The following FDFT1 variants were observed in gnomAD, a reference collection of about 807,000 sequenced individuals.
FDFT1 encodes the protein squalene synthase.
In FDFT1, 68 loss-of-function variants were observed where a neutral mutation model predicts 46.8. That is an observed-to-expected ratio of 1.45 (90% confidence interval 1.19 to 1.78). FDFT1 has a LOEUF of 1.78. FDFT1 is among the 40% of genes most tolerant of loss of function. The probability of loss-of-function intolerance (pLI) is 0.00; values close to 1 mark genes in which losing one functional copy is unlikely to be tolerated. For synonymous variants in FDFT1, 351 were observed against 185.1 expected, an observed-to-expected ratio of 1.90 and a Z score of -7.28; for missense variants, 928 against 524.4, an observed-to-expected ratio of 1.77 and a Z score of -7.52.
intron 5 of FDFT1, 36 bp from the exon 6 acceptor site, chr8:11,830,208 A>C: frequency 6.5e-7 from 1 of 1,539,056 alleles, no homozygotes; most frequent in Non-Finnish European, 9.0e-7. Context: ...CCCTATGCAC[A>C]CGCTGACCTG....
chr8:11,838,176 G>T (rs1462743636), intron 7 of FDFT1, among the ~76,000 whole-genome samples: 1 of 152,190 alleles, frequency 6.6e-6, no homozygotes, highest in Non-Finnish European at 1.5e-5. Flanking sequence ...CCTCCTGTTT[G>T]CTCAGGAAGA....
At chr8:11,836,846 A>G (rs1323869257) in intron 7 of FDFT1, among the ~76,000 whole-genome samples, 1 of 152,202 alleles carries the variant, frequency 6.6e-6, no homozygotes, top group African/African-American at 2.4e-5. Context: ...GACCAGCCTG[A>G]CCAACACTGG....
rs967538361 is a variant in FDFT1, at chr8:11,803,364, C to A, written c.99+433C>A. The A allele has an allele frequency of 3.1e-6, 4 of 1,290,256 alleles. No homozygotes were observed. In the East Asian group the frequency reaches 1.7e-4, roughly 54 times the overall value. 79.9% of individuals were successfully genotyped at this position (1,290,256 alleles called of 1,614,324 possible). A position where few individuals can be genotyped will look rare whatever the true frequency, so the allele number is the denominator to read the frequency against. On this transcript the variant is annotated intron_variant, in intron 1 of 7. Coordinates refer to ENST00000220584, the MANE Select transcript of FDFT1 (RefSeq NM_004462.5). ...CCGTTTCTGGAATGAAGTCTGACTC[C>A]TCCAGTTTCACCACCTCTTCCGGAG...
chr8:11,832,249 A>T (rs116434676), intron 7 of FDFT1, among the ~76,000 whole-genome samples: 1 of 151,948 alleles, frequency 6.6e-6, no homozygotes, highest in East Asian at 1.9e-4. Context: ...CTAATATTTG[A>T]CTAGGTTCAA....
chr8:11,830,091 C>G (rs546915719), intron 5 of FDFT1, among the ~76,000 whole-genome samples, 153 bp from the exon 6 acceptor site: 1 of 152,176 alleles, frequency 6.6e-6, no homozygotes, highest in Non-Finnish European at 1.5e-5. Flanking sequence ...CGTGATCCAC[C>G]CTCCTCGGCC....
chr8:11,814,289 T>G (rs1425157108), intron 3 of FDFT1, among the ~76,000 whole-genome samples: 1 of 150,446 alleles, frequency 6.6e-6, no homozygotes, highest in African/African-American at 2.5e-5. Flanking sequence ...AGTACCAGAT[T>G]GATTTTATAG....
exon 1 of FDFT1, chr8:11,795,767 C>G (rs557089249): frequency 6.6e-6 from 1 of 152,274 alleles, no homozygotes; most frequent in African/African-American, 2.4e-5. Context: ...ACTCCAGACG[C>G]GCCGACTTAA....
chr8:11,800,368 C>A (rs118059476), upstream of FDFT1, among the ~76,000 whole-genome samples: 4,268 of 150,348 alleles, frequency 0.028, 240 homozygotes, highest in East Asian at 0.27. Context: ...GCAGTTTTGC[C>A]ATGGGAGTAT....
chr8:11,828,992 T>G (rs920822017), intron 5 of FDFT1, among the ~76,000 whole-genome samples: 9 of 152,064 alleles, frequency 5.9e-5, no homozygotes, highest in Admixed American at 6.6e-5. Flanking sequence ...TGTGTAGATG[T>G]GTGTTTTCCT....
chr8:11,800,720 T>C (rs1563286582), upstream of FDFT1, among the ~76,000 whole-genome samples: 1 of 152,280 alleles, frequency 6.6e-6, no homozygotes, highest in African/African-American at 2.4e-5. Context: ...AGCTAGCAGA[T>C]ATTTAAGAAT....
At chr8:11,808,547 C>T (rs965313670) in intron 1 of FDFT1, 16 of 1,365,532 alleles carry the variant, frequency 1.2e-5, no homozygotes, top group African/African-American at 9.2e-5. Context: ...GCACCAAGGC[C>T]ATGGCCCTCT....
intron 3 of FDFT1, among the ~76,000 whole-genome samples, chr8:11,818,551 T>C (rs865795756): frequency 6.6e-6 from 1 of 152,066 alleles, no homozygotes; most frequent in Non-Finnish European, 1.5e-5. Context: ...GCTCCTGTAT[T>C]GGGTACATAT....
chr8:11,808,550 G>C lies in FDFT1; in HGVS notation c.100-244G>C. On this transcript the variant is annotated intron_variant, in intron 1 of 7. Transcript: ENST00000220584. ...CAGCCGCCTGCGGCACCAAGGCCAT[G>C]GCCCTCTTCAAGCGCACCTTGGTGC... The C allele has an allele frequency of 4.4e-6, 6 of 1,365,126 alleles. No homozygotes were observed. The South Asian group carries it at 7.0e-5, about 16-fold the overall frequency. The allele number at this position is 1,365,126 out of a possible 1,614,324, so 84.6% of individuals were successfully genotyped here.
At chr8:11,806,575 A>AG (rs892692342) in intron 1 of FDFT1, among the ~76,000 whole-genome samples, 1 of 152,086 alleles carries the variant, frequency 6.6e-6, no homozygotes, top group East Asian at 1.9e-4. Flanking sequence ...GTTTAAATCT[A>AG]GGGGGACCGT....
At chr8:11,821,175 G>C (rs1809186111) in intron 3 of FDFT1, among the ~76,000 whole-genome samples, 1 of 152,222 alleles carries the variant, frequency 6.6e-6, no homozygotes, top group Admixed American at 6.5e-5. Flanking sequence ...GCTTTATGTT[G>C]AAGCATCTCA....
intron 7 of FDFT1, chr8:11,831,878 A>G: frequency 3.9e-6 from 2 of 507,540 alleles, no homozygotes; most frequent in East Asian, 3.3e-5. Context: ...CCCTGGTGAG[A>G]GGAGATAAAT....
At chr8:11,799,959 ATG>A (rs1481555462), upstream of FDFT1, among the ~76,000 whole-genome samples, 6 of 143,444 alleles carry the variant, frequency 4.2e-5, no homozygotes, top group African/African-American at 1.1e-4. Flanking sequence ...AAAAAAAAAA[ATG>A]AAGAAGAAAT....
intron 4 of FDFT1, 97 bp downstream of exon 4, chr8:11,821,975 C>T: frequency 7.0e-7 from 1 of 1,426,816 alleles, no homozygotes; most frequent in Non-Finnish European, 9.7e-7. Flanking sequence ...CCAGTATTTT[C>T]AGCCCCTCTG....
chr8:11,798,677 CTT>C (rs1475556655), upstream of FDFT1, among the ~76,000 whole-genome samples: 1 of 152,166 alleles, frequency 6.6e-6, no homozygotes, highest in Non-Finnish European at 1.5e-5. Flanking sequence ...CGTTAACTAA[CTT>C]TGCATTGTTT....
Sources: gnomAD v4.1 joint callset for allele counts (sites outside exome capture counted in the v4.1 genomes callset) on GRCh38, gnomAD v4.1.1 for gene constraint, MANE v1.5 for transcripts, NCBI Gene and HGNC (gene_info 2026-07-23, HGNC 2026-07-21) for gene names.